The following TMEM151B variants were observed in gnomAD, a reference collection of about 807,000 sequenced individuals.
TMEM151B encodes the protein transmembrane protein 193.
TMEM151B carries 18 observed loss-of-function variants against 33.0 expected under a neutral mutation model. The observed-to-expected ratio is 0.55, with a 90% CI of 0.38 to 0.81. The LOEUF (loss-of-function observed/expected upper bound fraction) is 0.81. Among genes scored for constraint, TMEM151B ranks in the 30% least tolerant of loss-of-function variants. TMEM151B has a pLI of 0.00. For missense variants in TMEM151B, 672 were observed against 843.4 expected (o/e 0.80, Z 2.52); for synonymous variants, 354 against 373.6 (o/e 0.95, Z 0.61).
rs1169096822 is a variant in TMEM151B, at chr6:44,276,038, G to C, written c.1212G>C (p.Gly404=). ...CGGGGCTCGGGACGCGCTGCGGCGGGGCAGGCGGCGGCTACGCGCCCTCGT... is the reference window on the plus strand; with the variant it reads ...CGGGGCTCGGGACGCGCTGCGGCGGCGCAGGCGGCGGCTACGCGCCCTCGT... The part of the protein sequence containing the change: ...DLAGLGTRCG[G]AGGGYAPSCR... Residue 404 remains glycine (G), a synonymous_variant, in exon 3 of 3, where the codon GGG becomes GGC. Coordinates refer to ENST00000451188, the MANE Select transcript of TMEM151B (RefSeq NM_001137560.2). The C allele has an allele frequency of 7.4e-7, 1 of 1,351,178 alleles. No individual in the cohort carries two copies. Among genetic ancestry groups the C allele is most frequent in the African/African-American group, 1.5e-5 (1 of 64,946 alleles). The allele number at this position is 1,351,178 out of a possible 1,614,324, so 83.7% of individuals were successfully genotyped here. A position where few individuals can be genotyped will look rare whatever the true frequency, so the allele number is the denominator to read the frequency against.
chr6:44,273,124 G>A lies in TMEM151B; in HGVS notation c.194G>A (p.Cys65Tyr). Residue 65 changes from cysteine to tyrosine, a missense_variant, in exon 2 of 3, where the codon TGC (cysteine) becomes TAC (tyrosine). This residue lies in a region of TMEM151B where 285 missense variants were observed against 423.1 expected (regional missense o/e 0.67). Coordinates refer to ENST00000451188, the MANE Select transcript of TMEM151B (RefSeq NM_001137560.2). ...KSLCRESHWK[C>Y]LLLSLLMYGC... Reference sequence around the variant, plus strand: ...CTCTGCCGTGAGTCCCACTGGAAGTGCCTCCTGCTCTCGCTGCTCATGTAC... The same window carrying A: ...CTCTGCCGTGAGTCCCACTGGAAGTACCTCCTGCTCTCGCTGCTCATGTAC... The A allele has an allele frequency of 6.5e-7, 1 of 1,527,552 alleles. No individual in the cohort carries two copies. Among genetic ancestry groups the A allele is most frequent in the Admixed American group, 2.0e-5 (1 of 50,250 alleles). The allele number at this position is 1,527,552 out of a possible 1,614,324, so 94.6% of individuals were successfully genotyped here.
chr6:44,271,374 G>GGT, intron 1 of TMEM151B, among the ~76,000 whole-genome samples: 1 of 133,104 alleles, frequency 7.5e-6, no homozygotes, highest in Non-Finnish European at 1.6e-5. Flanking sequence ...TGTGTGGGGG[G>GGT]GGGTGTGCAC....
In TMEM151B at chr6:44,273,521, G is replaced by A. The variant is rs918666219; in HGVS notation, c.576+15G>A. ...CCACCACCCAGGTGAGGAGCTGGTG[G>A]GGAGTGCAGGACATTCAACATGGGA... On this transcript the variant is annotated intron_variant, in intron 2 of 2. Coordinates refer to ENST00000451188, the MANE Select transcript of TMEM151B (RefSeq NM_001137560.2). 4 of 1,529,912 alleles carry A rather than the reference G, an allele frequency of 2.6e-6. No homozygotes were observed. The highest frequency in any genetic ancestry group is 8.8e-7 in the Non-Finnish European group (1 of 1,132,754). 94.8% of individuals were successfully genotyped at this position (1,529,912 alleles called of 1,614,324 possible).
intron 2 of TMEM151B, 131 bp from the exon 3 acceptor site, chr6:44,275,272 C>T: frequency 7.0e-7 from 1 of 1,423,482 alleles, no homozygotes; most frequent in Non-Finnish European, 9.2e-7. Context: ...CCAGCCGGCA[C>T]CTAAACCAAG....
rs1331199457 is a variant in TMEM151B, at chr6:44,276,688, C to T, written c.*161C>T. ...GACAGGCCCGGATGGGGCCGAGACC[C>T]CCGCTGTCCCTGTACATAAAGAGAC... On this transcript the variant is annotated 3_prime_UTR_variant, in exon 3 of 3. Transcript: ENST00000451188. 4 of 1,255,400 alleles carry T rather than the reference C, an allele frequency of 3.2e-6. No individual in the cohort carries two copies. Among genetic ancestry groups the T allele is most frequent in the Non-Finnish European group, 4.0e-6 (4 of 998,302 alleles). 77.8% of individuals were successfully genotyped at this position (1,255,400 alleles called of 1,614,324 possible).
At chr6:44,274,019 C>T (rs945846821) in intron 2 of TMEM151B, among the ~76,000 whole-genome samples, 1 of 152,052 alleles carries the variant, frequency 6.6e-6, no homozygotes, top group Non-Finnish European at 1.5e-5. Flanking sequence ...GACCAGCCCA[C>T]CCGGCAGCAA....
At position 44,270,588 on chromosome 6, in the gene TMEM151B, T is replaced by A; in HGVS notation, c.-155T>A. 2 of 97,078 alleles carry A rather than the reference T, an allele frequency of 2.1e-5. No individual in the cohort carries two copies. The highest frequency in any genetic ancestry group is 6.3e-3 in the Middle Eastern group (1 of 160). 6.0% of individuals were successfully genotyped at this position (97,078 alleles called of 1,614,324 possible). On this transcript the variant is annotated 5_prime_UTR_variant, in exon 1 of 3. Coordinates refer to ENST00000451188, the MANE Select transcript of TMEM151B (RefSeq NM_001137560.2). ...CCACCCTCAGCCCCCAGCCCCTTAC[T>A]CCCGGTGCCCTTTCCGGGCCCCCTC... is the stretch of plus-strand genomic sequence containing the variant.
In TMEM151B at chr6:44,276,271, C is replaced by T. The variant is rs1381348062; in HGVS notation, c.1445C>T (p.Ser482Phe). 7.3e-7 allele frequency: 1 copy of T among 1,361,616 alleles called. No homozygotes were observed. Among genetic ancestry groups the T allele is most frequent in the South Asian group, 1.7e-5 (1 of 58,028 alleles). 84.3% of individuals were successfully genotyped at this position (1,361,616 alleles called of 1,614,324 possible). A position where few individuals can be genotyped will look rare whatever the true frequency, so the allele number is the denominator to read the frequency against. Reference sequence around the variant, plus strand: ...TTCTCGCTGGGCCGTCTCTACGGCTCCCGGCGCAGCTGCCTGTGGCGCAGC... The same window carrying T: ...TTCTCGCTGGGCCGTCTCTACGGCTTCCGGCGCAGCTGCCTGTGGCGCAGC... ...SRFSLGRLYGSRRSCLWRSRS... is the reference protein window; with the variant it reads ...SRFSLGRLYGFRRSCLWRSRS... Residue 482 changes from serine to phenylalanine, a missense_variant, in exon 3 of 3, where the codon TCC becomes TTC. Ser to Phe is a radical substitution (Grantham distance 155). Coordinates refer to ENST00000451188, the MANE Select transcript of TMEM151B (RefSeq NM_001137560.2).
In TMEM151B at chr6:44,273,211, G is replaced by A; in HGVS notation, c.281G>A (p.Ser94Asn). Reference sequence around the variant, plus strand: ...ACAGTGACGCGCCTCACCTTCAGCAGCGCCTACCAGGGCAACAGCCTCATG... The same window carrying A: ...ACAGTGACGCGCCTCACCTTCAGCAACGCCTACCAGGGCAACAGCCTCATG... ...VTTVTRLTFSSAYQGNSLMYH... is the reference protein window; with the variant it reads ...VTTVTRLTFSNAYQGNSLMYH... Residue 94 changes from serine (S) to asparagine (N), a missense_variant, in exon 2 of 3, where the codon AGC becomes AAC. Around this residue, in one of 3 missense-constraint regions of TMEM151B, gnomAD observed 285 missense variants for 423.1 expected, o/e 0.67. Transcript: ENST00000451188. The A allele has an allele frequency of 6.5e-7, 1 of 1,550,342 alleles. No individual in the cohort carries two copies. The highest frequency in any genetic ancestry group is 8.7e-7 in the Non-Finnish European group (1 of 1,145,908).
Position 44,276,104 on chromosome 6 carries a change from G to A in TMEM151B, c.1278G>A (p.Val426=). 7.6e-7 allele frequency: 1 copy of A among 1,322,284 alleles called. No individual in the cohort carries two copies. The highest frequency in any genetic ancestry group is 9.6e-7 in the Non-Finnish European group (1 of 1,045,018). The allele number at this position is 1,322,284 out of a possible 1,614,324, so 81.9% of individuals were successfully genotyped here. A position where few individuals can be genotyped will look rare whatever the true frequency, so the allele number is the denominator to read the frequency against. The change falls in exon 3 of 3, where the codon GTG becomes GTA. Residue 426 remains valine (V), a synonymous_variant. Coordinates refer to ENST00000451188, the MANE Select transcript of TMEM151B (RefSeq NM_001137560.2). ...GGVGGPGAAG[V]APYRRSCEHC... Reference sequence around the variant, plus strand: ...TAGGCGGCCCGGGCGCGGCGGGCGTGGCTCCCTACCGGCGCAGCTGCGAGC... The same window carrying A: ...TAGGCGGCCCGGGCGCGGCGGGCGTAGCTCCCTACCGGCGCAGCTGCGAGC...
intron 1 of TMEM151B, among the ~76,000 whole-genome samples, chr6:44,271,364 T>G (rs1332542663): frequency 7.4e-5 from 3 of 40,346 alleles, no homozygotes; most frequent in Admixed American, 3.5e-4. Flanking sequence ...TGTGTGTGTG[T>G]GTGTGGGGGG....
Position 44,279,291 on chromosome 6 carries a change from G to C in TMEM151B, c.*2764G>C, listed in dbSNP as rs550792901. Reference sequence around the variant, plus strand: ...CCTGGAAGGCTCCATGTGTCCTGGGGACAAGGGCTTGTGGGGTGGGCTGGG... The same window carrying C: ...CCTGGAAGGCTCCATGTGTCCTGGGCACAAGGGCTTGTGGGGTGGGCTGGG... On this transcript the variant is annotated 3_prime_UTR_variant, in exon 3 of 3. Coordinates refer to ENST00000451188, the MANE Select transcript of TMEM151B (RefSeq NM_001137560.2). 1 of 152,632 alleles carries C rather than the reference G, an allele frequency of 6.6e-6. No homozygotes were observed. The highest frequency in any genetic ancestry group is 2.1e-4 in the South Asian group (1 of 4,828). 9.5% of individuals were successfully genotyped at this position (152,632 alleles called of 1,614,324 possible).
chr6:44,276,371 C>A lies in TMEM151B; in HGVS notation c.1545C>A (p.Asp515Glu). 1 of 1,512,470 alleles carries A rather than the reference C, an allele frequency of 6.6e-7. No homozygotes were observed. The highest frequency in any genetic ancestry group is 8.8e-7 in the Non-Finnish European group (1 of 1,135,972). The allele number at this position is 1,512,470 out of a possible 1,614,324, so 93.7% of individuals were successfully genotyped here. The change falls in exon 3 of 3, where the codon GAC becomes GAA. Residue 515 changes from aspartate to glutamate, a missense_variant. Physicochemically the swap from Asp to Glu is conservative, Grantham distance 45 (BLOSUM62 2). Around this residue, in one of 3 missense-constraint regions of TMEM151B, gnomAD observed 324 missense variants for 363.1 expected, o/e 0.89. Coordinates refer to ENST00000451188, the MANE Select transcript of TMEM151B (RefSeq NM_001137560.2). Reference protein sequence around the residue: ...TRLSSQASMGDDEDDDEEEAG... With the variant: ...TRLSSQASMGEDEDDDEEEAG... ...TGTCCAGCCAGGCCAGCATGGGGGA[C>A]GACGAGGACGACGACGAGGAGGAGG... is the stretch of plus-strand genomic sequence containing the variant.
At position 44,275,558 on chromosome 6, in the gene TMEM151B, G is replaced by A. The variant is rs771142344; in HGVS notation, c.732G>A (p.Glu244=). 1.6e-4 allele frequency: 255 copies of A among 1,550,782 alleles called. No homozygotes were observed. Among genetic ancestry groups the A allele is most frequent in the Admixed American group, 8.6e-4 (44 of 51,000 alleles). The change falls in exon 3 of 3, where the codon GAG becomes GAA. Residue 244 remains glutamate (E), a synonymous_variant. Coordinates refer to ENST00000451188, the MANE Select transcript of TMEM151B (RefSeq NM_001137560.2). ...AGTGCTTCAGTTTCGCCAGCGTGGA[G>A]GCCGAGAACGCGTACCTGTGCCAGC... ...FTKCFSFASV[E]AENAYLCQRA... is the part of the protein sequence containing the mutation.
intron 1 of TMEM151B, among the ~76,000 whole-genome samples, chr6:44,271,771 C>A (rs1312220931): frequency 6.6e-6 from 1 of 152,270 alleles, no homozygotes; most frequent in Non-Finnish European, 1.5e-5. Flanking sequence ...ATCCAGGGAC[C>A]GATGCCTATT....
At position 44,276,386 on chromosome 6, in the gene TMEM151B, CGAG is replaced by C. The variant is rs1469951133; in HGVS notation, c.1568_1570del (p.Glu523del). 23 of 1,515,602 alleles carry C rather than the reference CGAG, an allele frequency of 1.5e-5. No homozygotes were observed. Among genetic ancestry groups the C allele is most frequent in the Non-Finnish European group, 2.0e-5 (23 of 1,137,494 alleles). The allele number at this position is 1,515,602 out of a possible 1,614,324, so 93.9% of individuals were successfully genotyped here. Reference sequence around the variant, plus strand: ...GCATGGGGGACGACGAGGACGACGACGAGGAGGAGGCCGGGCCGCCGCCGCCCT... The same window carrying C: ...GCATGGGGGACGACGAGGACGACGACGAGGAGGCCGGGCCGCCGCCGCCCT... On this transcript the variant is annotated inframe_deletion, in exon 3 of 3. Coordinates refer to ENST00000451188, the MANE Select transcript of TMEM151B (RefSeq NM_001137560.2).
chr6:44,273,985 G>A (rs554121493), intron 2 of TMEM151B, among the ~76,000 whole-genome samples: 5 of 152,254 alleles, frequency 3.3e-5, no homozygotes, highest in African/African-American at 1.2e-4. Flanking sequence ...TGAGGCAGAA[G>A]GATCTCTTGA....
rs1191503257 is a variant in TMEM151B at position 44,278,036 on chromosome 6, GCTT to G, written c.*1513_*1515del. On this transcript the variant is annotated 3_prime_UTR_variant, in exon 3 of 3. Coordinates refer to ENST00000451188, the MANE Select transcript of TMEM151B (RefSeq NM_001137560.2). Reference sequence around the variant, plus strand: ...GCCACCCACATCTCTCACCCCTGATGCTTCTTACTTCGCCTGAGCCATCAGAAC... The same window carrying G: ...GCCACCCACATCTCTCACCCCTGATGCTTACTTCGCCTGAGCCATCAGAAC... 1 of 153,396 alleles carries G rather than the reference GCTT, an allele frequency of 6.5e-6. No homozygotes were observed. Among genetic ancestry groups the G allele is most frequent in the Non-Finnish European group, 1.5e-5 (1 of 68,488 alleles). The allele number at this position is 153,396 out of a possible 1,614,324, so 9.5% of individuals were successfully genotyped here.
chr6:44,270,741 C>CCATGT lies in TMEM151B; in HGVS notation c.1_5dup, dbSNP rs1782291369. The stretch of plus-strand genomic sequence containing the variant: ...CTGAGCTCGACGCGCCCCCTCTACG[C>CCATGT]CATGTCCCCCCCTGGCTCGGCCGCG... On this transcript the variant is annotated 5_prime_UTR_variant, in exon 1 of 3. In the 5' UTR this introduces an upstream ATG that the reference lacks. Transcript: ENST00000451188. 1 of 1,095,054 alleles carries CCATGT rather than the reference C, an allele frequency of 9.1e-7. No homozygotes were observed. The highest frequency in any genetic ancestry group is 1.7e-5 in the African/African-American group (1 of 59,360). 67.8% of individuals were successfully genotyped at this position (1,095,054 alleles called of 1,614,324 possible).
Sources: gnomAD v4.1 joint callset for allele counts (sites outside exome capture counted in the v4.1 genomes callset) on GRCh38, gnomAD v4.1.1 for gene constraint, gnomAD v4.1.1 regional missense constraint, MANE v1.5 for transcripts, NCBI Gene and HGNC (gene_info 2026-07-23, HGNC 2026-07-21) for gene names.